GATAD2A: variants seen among roughly 807,000 people sequenced by gnomAD.
GATAD2A encodes the protein transcriptional repressor p66-alpha.
In GATAD2A, 12 loss-of-function variants were observed where a neutral mutation model predicts 68.5. The observed-to-expected ratio is 0.18, with a 90% CI of 0.11 to 0.28. The LOEUF (loss-of-function observed/expected upper bound fraction) is 0.28, where lower values mean the gene tolerates loss of function less well. Ranked by LOEUF, GATAD2A falls within the 10% of genes least tolerant of loss-of-function variation. The pLI is 1.00. For missense variants in GATAD2A, 755 were observed against 868.5 expected (o/e 0.87, Z 1.64); for synonymous variants, 410 against 375.3 (o/e 1.09, Z -1.07).
chr19:19,442,817 A>T (rs1242121377), intron 1 of GATAD2A, among the ~76,000 whole-genome samples: 1 of 151,024 alleles, frequency 6.6e-6, no homozygotes, highest in Non-Finnish European at 1.5e-5. Flanking sequence ...TGCTTAAAGG[A>T]CAAGGAAGAA....
At chr19:19,480,716 C>T (rs2058999104) in intron 2 of GATAD2A, among the ~76,000 whole-genome samples, 1 of 152,248 alleles carries the variant, frequency 6.6e-6, no homozygotes, top group Admixed American at 6.5e-5. Flanking sequence ...GCCAGTCGCC[C>T]CAACACCTGC....
intron 1 of GATAD2A, among the ~76,000 whole-genome samples, chr19:19,420,431 C>A (rs2052258371): frequency 1.3e-5 from 2 of 149,800 alleles, no homozygotes; most frequent in Admixed American, 6.7e-5. Flanking sequence ...TCCCAGGTTC[C>A]CGCCATTCTC....
chr19:19,489,730 G>T (rs1036485234), intron 2 of GATAD2A, among the ~76,000 whole-genome samples: 1 of 152,246 alleles, frequency 6.6e-6, no homozygotes, highest in Admixed American at 6.5e-5. Context: ...AAGATGATAA[G>T]AAGGGTTAAG....
intron 3 of GATAD2A, 31 bp downstream of exon 3, chr19:19,492,469 C>T (rs768539350): frequency 1.9e-6 from 3 of 1,613,472 alleles, no homozygotes; most frequent in Non-Finnish European, 2.5e-6. Flanking sequence ...GCCGCCGGAG[C>T]CCCACTGTGC....
intron 4 of GATAD2A, among the ~76,000 whole-genome samples, chr19:19,493,301 G>C (rs2059926354): frequency 6.6e-6 from 1 of 152,330 alleles, no homozygotes; most frequent in Admixed American, 6.5e-5. Context: ...GCCGCTGGAA[G>C]CATGTTTCTG....
At chr19:19,388,277 G>A (rs183492253) in intron 1 of GATAD2A, among the ~76,000 whole-genome samples, 3 of 151,840 alleles carry the variant, frequency 2.0e-5, no homozygotes, top group Non-Finnish European at 2.9e-5. Flanking sequence ...GGGTGGTCTC[G>A]AACTCCCAAC....
At chr19:19,466,715 T>C (rs1274379125) in intron 2 of GATAD2A, among the ~76,000 whole-genome samples, 1 of 152,232 alleles carries the variant, frequency 6.6e-6, no homozygotes, top group Admixed American at 6.5e-5. Flanking sequence ...TGAGGAAATA[T>C]ACTTTGTAGT....
At chr19:19,500,799 C>T (rs1029919989) in intron 8 of GATAD2A, among the ~76,000 whole-genome samples, 1 of 152,256 alleles carries the variant, frequency 6.6e-6, no homozygotes, top group African/African-American at 2.4e-5. Context: ...CCACAAAGCA[C>T]TTGCTGGGTG....
At chr19:19,497,525 G>T (rs1438952244) in intron 7 of GATAD2A, among the ~76,000 whole-genome samples, 2 of 152,192 alleles carry the variant, frequency 1.3e-5, no homozygotes, top group African/African-American at 4.8e-5. Flanking sequence ...AGGAGGAGGG[G>T]AACTGGCTGG....
rs770176792 is a variant in GATAD2A at position 19,498,443 on chromosome 19, C to T, written c.925C>T (p.Pro309Ser). Reference sequence around the variant, plus strand: ...CTGACTGAGTTTTTGTCTCCCAAAGCCCACCCCAGCATCACTGAAGGGGAC... The same window carrying T: ...CTGACTGAGTTTTTGTCTCCCAAAGTCCACCCCAGCATCACTGAAGGGGAC... ...NTSLLVNIPQ[P>S]TPASLKGTTA... Residue 309 changes from proline (P) to serine (S), a missense_variant and splice_region_variant, in exon 8 of 12, where the codon CCC becomes TCC. Transcript: ENST00000683918. 8.8e-6 allele frequency: 14 copies of T among 1,598,718 alleles called. No individual in the cohort carries two copies. In the Admixed American group the frequency reaches 1.8e-4, roughly 21 times the overall value.
intron 1 of GATAD2A, among the ~76,000 whole-genome samples, chr19:19,414,589 G>A (rs1305253817): frequency 1.4e-5 from 2 of 144,696 alleles, no homozygotes; most frequent in African/African-American, 2.6e-5. Context: ...CCAGTCTGGA[G>A]GGCAGTGGTG....
rs1442730407 is a variant in GATAD2A at position 19,495,867 on chromosome 19, A to G, written c.738A>G (p.Pro246=). Residue 246 remains proline, a synonymous_variant, in exon 6 of 12, where the codon CCA becomes CCG. Coordinates refer to ENST00000683918, the MANE Select transcript of GATAD2A (RefSeq NM_001384528.1). Reference sequence around the variant, plus strand: ...CGAGCTCACAGGTCGTCATGCCCCCACTCGTCAGGGGGGCTCAGGTAAGCA... The same window carrying G: ...CGAGCTCACAGGTCGTCATGCCCCCGCTCGTCAGGGGGGCTCAGGTAAGCA... ...PQASSQVVMP[P]LVRGAQQIHS... The G allele has an allele frequency of 2.5e-6, 4 of 1,612,452 alleles. No individual in the cohort carries two copies. Among genetic ancestry groups the G allele is most frequent in the Admixed American group, 1.7e-5 (1 of 59,938 alleles).
intron 1 of GATAD2A, among the ~76,000 whole-genome samples, chr19:19,421,716 T>TGG (rs1026466474): frequency 3.3e-5 from 5 of 152,126 alleles, no homozygotes; most frequent in African/African-American, 4.8e-5. Context: ...CAGCCTCTTG[T>TGG]GGGGCCCCGT....
intron 1 of GATAD2A, among the ~76,000 whole-genome samples, chr19:19,408,588 C>T (rs2050563360): frequency 6.6e-6 from 1 of 152,120 alleles, no homozygotes; most frequent in Admixed American, 6.5e-5. Context: ...TTCAACTCTT[C>T]AGTAGCTCCT....
chr19:19,484,447 G>A (rs2059270030), intron 2 of GATAD2A, among the ~76,000 whole-genome samples: 1 of 151,096 alleles, frequency 6.6e-6, no homozygotes, highest in Non-Finnish European at 1.5e-5. Flanking sequence ...AAAAGAAGTT[G>A]CTCAGTGGTA....
intron 7 of GATAD2A, among the ~76,000 whole-genome samples, chr19:19,497,825 G>A (rs2060251946): frequency 6.6e-6 from 1 of 152,202 alleles, no homozygotes; most frequent in Admixed American, 6.5e-5. Flanking sequence ...TTGTGGGGCT[G>A]GTGGAGACAG....
intron 1 of GATAD2A, among the ~76,000 whole-genome samples, chr19:19,406,897 C>T (rs73528424): frequency 4.9e-4 from 75 of 152,254 alleles, no homozygotes; most frequent in African/African-American, 1.8e-3. Context: ...GTGTTTCTGC[C>T]CTGAGAATTT....
Position 19,474,310 on chromosome 19 carries a change from G to A in GATAD2A, c.269+8696G>A, listed in dbSNP as rs117416430. On this transcript the variant is annotated intron_variant, in intron 2 of 11. Coordinates refer to ENST00000683918, the MANE Select transcript of GATAD2A (RefSeq NM_001384528.1). Reference sequence around the variant, plus strand: ...CCCGAGACAGTGAGTTCTGACTCACGTGTGCACCTGTGAGTCAAACCCTGA... The same window carrying A: ...CCCGAGACAGTGAGTTCTGACTCACATGTGCACCTGTGAGTCAAACCCTGA... 3.9e-3 allele frequency: 913 copies of A among 232,712 alleles called. 6 individuals carry two copies. The highest frequency in any genetic ancestry group is 0.037 in the South Asian group (232 of 6,252). 14.4% of individuals were successfully genotyped at this position (232,712 alleles called of 1,614,324 possible).
intron 2 of GATAD2A, among the ~76,000 whole-genome samples, chr19:19,482,268 G>A (rs898946167): frequency 2.0e-5 from 3 of 152,196 alleles, no homozygotes; most frequent in African/African-American, 7.2e-5. Flanking sequence ...GCCAGGTGTG[G>A]TAGTGGGCGC....
Sources: allele counts gnomAD v4.1 joint callset (sites outside exome capture counted in the v4.1 genomes callset), GRCh38; gene constraint gnomAD v4.1.1; transcripts MANE v1.5; gene names NCBI Gene and HGNC (gene_info 2026-07-23, HGNC 2026-07-21).